C6orf89: variants seen among roughly 807,000 people sequenced by gnomAD.
C6orf89 encodes the protein bombesin receptor-activated protein C6orf89.
In C6orf89, 29 loss-of-function variants were observed where a neutral mutation model predicts 40.7. The ratio of observed to expected loss-of-function variants is 0.71; its 90% CI spans 0.53 to 0.97. The LOEUF (loss-of-function observed/expected upper bound fraction) is 0.97, where lower values mean the gene tolerates loss of function less well. C6orf89 is among the 50% of genes least tolerant of loss of function. C6orf89 has a pLI of 0.00. For missense variants in C6orf89, 392 were observed against 429.1 expected (o/e 0.91, Z 0.76); for synonymous variants, 165 against 152.2 (o/e 1.08, Z -0.62).
At chr6:36,884,089 C>T (rs1240564388), upstream of C6orf89, among the ~76,000 whole-genome samples, 2 of 152,192 alleles carry the variant, frequency 1.3e-5, no homozygotes, top group Non-Finnish European at 2.9e-5. This position sits in a 1 kb window ranked among gnomAD's most constrained non-coding sequence, Gnocchi z 4.0. Flanking sequence ...TGGCAAAACC[C>T]TGTCTCTACT....
In C6orf89 at chr6:36,890,887, A is replaced by C. The variant is rs535555394; in HGVS notation, c.-119-3617A>C. On this transcript the variant is annotated intron_variant, in intron 1 of 8. Coordinates refer to ENST00000480824, the MANE Select transcript of C6orf89 (RefSeq NM_001286635.2). ...GCATTTATTGTAGTTTTAAGTTATT[A>C]CTCTTTTAAATCGTATTAATCATTT... 3.3e-5 allele frequency among the ~76,000 whole-genome samples: 5 copies of C among 151,690 alleles called. No homozygotes were observed. In the East Asian group the frequency reaches 9.7e-4, roughly 29 times the overall value.
chr6:36,900,693 G>A (rs778784025), intron 3 of C6orf89, among the ~76,000 whole-genome samples: 8 of 151,972 alleles, frequency 5.3e-5, no homozygotes, highest in Non-Finnish European at 1.0e-4. Context: ...AGAGATGGGG[G>A]TTTTTCCGTG....
upstream of C6orf89, among the ~76,000 whole-genome samples, chr6:36,883,956 C>A (rs1406754989): frequency 1.3e-5 from 2 of 152,150 alleles, no homozygotes; most frequent in East Asian, 1.9e-4. Flanking sequence ...AGAAATACAG[C>A]AAATGTAAAT....
At chr6:36,885,900 C>G, upstream of C6orf89, 1 of 657,538 alleles carries the variant, frequency 1.5e-6, no homozygotes. Flanking sequence ...CTCTAGGGTA[C>G]AAGGCCTCGC....
intron 8 of C6orf89, among the ~76,000 whole-genome samples, chr6:36,921,837 G>A (rs1355405933): frequency 1.3e-5 from 2 of 152,150 alleles, no homozygotes; most frequent in East Asian, 1.9e-4. Context: ...AGACCAGTCT[G>A]GGCAAGATGG....
chr6:36,911,938 C>A (rs866744807), intron 4 of C6orf89, among the ~76,000 whole-genome samples: 19 of 147,796 alleles, frequency 1.3e-4, no homozygotes, highest in African/African-American at 4.2e-4. Flanking sequence ...GAACCCCCCC[C>A]CCCCGACCTT....
intron 1 of C6orf89, among the ~76,000 whole-genome samples, chr6:36,888,056 A>G (rs533692872): frequency 2.0e-5 from 3 of 152,142 alleles, no homozygotes; most frequent in Non-Finnish European, 4.4e-5. Context: ...GTTATTAGGT[A>G]TTTAATTTGT....
chr6:36,887,930 C>T (rs1285278023), intron 1 of C6orf89, among the ~76,000 whole-genome samples: 3 of 151,960 alleles, frequency 2.0e-5, no homozygotes, highest in Non-Finnish European at 2.9e-5. Flanking sequence ...TGCTATGTTA[C>T]CCAGGCTGGT....
chr6:36,885,983 A>G lies in C6orf89; in HGVS notation c.-165A>G. The G allele has an allele frequency of 1.6e-6, 2 of 1,241,236 alleles. No individual in the cohort carries two copies. Among genetic ancestry groups the G allele is most frequent in the Non-Finnish European group, 1.0e-6 (1 of 995,972 alleles). 76.9% of individuals were successfully genotyped at this position (1,241,236 alleles called of 1,614,324 possible). On this transcript the variant is annotated 5_prime_UTR_variant, in exon 1 of 9. Coordinates refer to ENST00000480824, the MANE Select transcript of C6orf89 (RefSeq NM_001286635.2). ...TTGCCCATCCTCCTCGCCCGGCGGC[A>G]GCTGTCCCCGAGGCGGGAGGAGCCC... is the stretch of plus-strand genomic sequence containing the variant.
At chr6:36,905,248 G>C (rs1426026757) in intron 4 of C6orf89, among the ~76,000 whole-genome samples, 1 of 152,148 alleles carries the variant, frequency 6.6e-6, no homozygotes, top group Non-Finnish European at 1.5e-5. Context: ...ACTTGCTCAA[G>C]GTCCCAGGTC....
chr6:36,878,843 T>A (rs1027559214), intron 1 of C6orf89, among the ~76,000 whole-genome samples: 9 of 152,244 alleles, frequency 5.9e-5, no homozygotes, highest in African/African-American at 2.2e-4. Context: ...TTCCTATTGC[T>A]GTACGTTAGT....
chr6:36,920,142 T>C (rs1762464098), intron 8 of C6orf89, among the ~76,000 whole-genome samples: 1 of 152,000 alleles, frequency 6.6e-6, no homozygotes, highest in Non-Finnish European at 1.5e-5. Flanking sequence ...ATATACCCAT[T>C]TTGCAAATAA....
chr6:36,900,181 C>T (rs999482906), intron 3 of C6orf89, among the ~76,000 whole-genome samples: 12 of 149,398 alleles, frequency 8.0e-5, no homozygotes, highest in African/African-American at 2.7e-4. Context: ...GCCACCACGC[C>T]TGGCCTTGTG....
At chr6:36,883,850 A>G (rs1416549658), upstream of C6orf89, among the ~76,000 whole-genome samples, 1 of 152,254 alleles carries the variant, frequency 6.6e-6, no homozygotes, top group Non-Finnish European at 1.5e-5. Context: ...ATCGTTACAC[A>G]ACAGACTTTA....
Position 36,903,172 on chromosome 6 carries a change from G to A in C6orf89, c.403+738G>A, listed in dbSNP as rs963598215. On this transcript the variant is annotated intron_variant, in intron 4 of 8. Coordinates refer to ENST00000480824, the MANE Select transcript of C6orf89 (RefSeq NM_001286635.2). The stretch of plus-strand genomic sequence containing the variant: ...AAGCTGAGGCAAAAGGATTGGTTGA[G>A]CCCAGGAGTTCAAGACCAGCCTGGG... 3.3e-5 allele frequency among the ~76,000 whole-genome samples: 5 copies of A among 152,076 alleles called. No individual in the cohort carries two copies. The East Asian group carries it at 9.6e-4, about 29-fold the overall frequency.
chr6:36,922,575 G>A (rs977727216), intron 8 of C6orf89, among the ~76,000 whole-genome samples: 4 of 152,122 alleles, frequency 2.6e-5, no homozygotes, highest in East Asian at 3.8e-4. Flanking sequence ...CGAGTCAGTC[G>A]ACTTTGGGAA....
chr6:36,872,612 AATT>A (rs1166491387), intron 1 of C6orf89, among the ~76,000 whole-genome samples: 7 of 149,956 alleles, frequency 4.7e-5, no homozygotes, highest in Admixed American at 4.0e-4. Flanking sequence ...AGGATGTGAC[AATT>A]TTTTTTTTTT....
chr6:36,917,014 C>G (rs1160609708), intron 7 of C6orf89, among the ~76,000 whole-genome samples: 1 of 152,030 alleles, frequency 6.6e-6, no homozygotes, highest in South Asian at 2.1e-4. Flanking sequence ...GAGTTTCAGA[C>G]CAGCCTGGGC....
At chr6:36,920,321 G>C (rs1762469684) in intron 8 of C6orf89, among the ~76,000 whole-genome samples, 6 of 152,148 alleles carry the variant, frequency 3.9e-5, no homozygotes, top group Admixed American at 3.9e-4. Flanking sequence ...TTAAAAATCT[G>C]TTCCAAAGAA....
Sources: gnomAD v4.1 joint callset for allele counts (sites outside exome capture counted in the v4.1 genomes callset) on GRCh38, gnomAD v4.1.1 for gene constraint, Gnocchi (gnomAD v3.1) non-coding constraint, MANE v1.5 for transcripts, NCBI Gene and HGNC (gene_info 2026-07-23, HGNC 2026-07-21) for gene names.